The following TAF1B variants were observed in gnomAD, a reference collection of about 807,000 sequenced individuals.
TAF1B encodes the protein TATA box-binding protein-associated factor RNA polymerase I subunit B.
TAF1B carries 61 observed loss-of-function variants against 83.9 expected under a neutral mutation model. That is an observed-to-expected ratio of 0.73 (90% CI 0.59 to 0.90). The LOEUF (loss-of-function observed/expected upper bound fraction) is 0.90. Among genes scored for constraint, TAF1B ranks in the 40% least tolerant of loss-of-function variants. The pLI, the probability that TAF1B is intolerant of heterozygous loss-of-function variation, is 0.00. For synonymous variants in TAF1B, 221 were observed against 224.6 expected (o/e 0.98, Z 0.14); for missense variants, 625 against 677.0 (o/e 0.92, Z 0.85).
chr2:9,934,095 C>T lies in TAF1B; in HGVS notation c.*111C>T, dbSNP rs1432137658. 1.2e-6 allele frequency: 1 copy of T among 831,210 alleles called. No individual in the cohort carries two copies. Among genetic ancestry groups the T allele is most frequent in the East Asian group, 2.7e-5 (1 of 37,122 alleles). The allele number at this position is 831,210 out of a possible 1,614,324, so 51.5% of individuals were successfully genotyped here. A position where few individuals can be genotyped will look rare whatever the true frequency, so the allele number is the denominator to read the frequency against. ...AAAATACTGCATATATATGTATAGA[C>T]TCTGACACATATTTACATATATATC... On this transcript the variant is annotated 3_prime_UTR_variant, in exon 15 of 15. Coordinates refer to ENST00000263663, the MANE Select transcript of TAF1B (RefSeq NM_005680.3).
chr2:9,876,250 T>C (rs1664319113), intron 7 of TAF1B, among the ~76,000 whole-genome samples: 1 of 152,238 alleles, frequency 6.6e-6, no homozygotes, highest in African/African-American at 2.4e-5. Context: ...ACATGGGCTA[T>C]TGGAAAATTA....
intron 3 of TAF1B, among the ~76,000 whole-genome samples, chr2:9,849,725 G>C (rs1309758719): frequency 6.6e-6 from 1 of 152,118 alleles, no homozygotes; most frequent in African/African-American, 2.4e-5. Flanking sequence ...TCAACTTCTA[G>C]AAATCCATTT....
rs528542618 is a variant in TAF1B at position 9,843,637 on chromosome 2, C to A, written c.18+78C>A. 108 of 1,394,258 alleles carry A rather than the reference C, an allele frequency of 7.7e-5. No individual in the cohort carries two copies. In the African/African-American group the frequency reaches 1.6e-3, roughly 20 times the overall value. 86.4% of individuals were successfully genotyped at this position (1,394,258 alleles called of 1,614,324 possible). ...GAAGCTGAGGAGGAGCGGCGGAGGA[C>A]GCCGCGGGTTGGGGCGGCGACGCCA... On this transcript the variant is annotated intron_variant, in intron 1 of 14. Transcript: ENST00000263663.
intron 11 of TAF1B, 75 bp from the exon 12 acceptor site, chr2:9,913,084 A>G: frequency 7.8e-7 from 1 of 1,289,352 alleles, no homozygotes; most frequent in Non-Finnish European, 1.1e-6. Context: ...TCAATTAATG[A>G]AAACTCAGAT....
intron 5 of TAF1B, among the ~76,000 whole-genome samples, chr2:9,862,338 T>C (rs955311577): frequency 2.0e-5 from 3 of 151,994 alleles, no homozygotes; most frequent in African/African-American, 7.3e-5. Flanking sequence ...TGGAAGAAAG[T>C]GTATCCATGA....
chr2:9,892,648 A>G (rs1228859984), intron 8 of TAF1B, among the ~76,000 whole-genome samples: 5 of 152,152 alleles, frequency 3.3e-5, no homozygotes, highest in Admixed American at 1.3e-4. Flanking sequence ...TTCCCATTCT[A>G]TATCAGTACA....
intron 5 of TAF1B, among the ~76,000 whole-genome samples, chr2:9,863,537 A>G (rs1322851696): frequency 6.6e-6 from 1 of 152,230 alleles, no homozygotes; most frequent in Non-Finnish European, 1.5e-5. Context: ...AGACAGATCA[A>G]TGAGACAGAA....
At chr2:9,843,609 A>C in intron 1 of TAF1B, 50 bp downstream of exon 1, 2 of 1,462,092 alleles carry the variant, frequency 1.4e-6, no homozygotes, top group Non-Finnish European at 1.8e-6. Flanking sequence ...GCCGGAGGAG[A>C]GAGAAGCTGA....
Position 9,904,913 on chromosome 2 carries a change from T to C in TAF1B, c.862T>C (p.Leu288=), listed in dbSNP as rs929629322. 4.3e-6 allele frequency: 7 copies of C among 1,611,336 alleles called. No individual in the cohort carries two copies. The African/African-American group carries it at 8.0e-5, about 18-fold the overall frequency. The change falls in exon 9 of 15, where the codon TTA becomes CTA. Residue 288 remains leucine, a synonymous_variant. Coordinates refer to ENST00000263663, the MANE Select transcript of TAF1B (RefSeq NM_005680.3). ...AAAAACAGTAGAAGTTGGAACATTT[T>C]TAGATTTGCCTCGTTTTCCAGACAT... is the stretch of plus-strand genomic sequence containing the variant. The part of the protein sequence containing the change: ...YKKTVEVGTF[L]DLPRFPDITE...
At chr2:9,852,584 C>T (rs180868770) in intron 4 of TAF1B, among the ~76,000 whole-genome samples, 30 of 152,198 alleles carry the variant, frequency 2.0e-4, no homozygotes, top group African/African-American at 6.5e-4. Context: ...CTCCACCTCC[C>T]GTGTTCAAGC....
At chr2:9,904,193 G>A (rs1300913575) in intron 8 of TAF1B, among the ~76,000 whole-genome samples, 7 of 152,016 alleles carry the variant, frequency 4.6e-5, no homozygotes, top group South Asian at 2.1e-4. Flanking sequence ...GTGTGGTGGG[G>A]GTTTGGTGTA....
intron 8 of TAF1B, among the ~76,000 whole-genome samples, chr2:9,889,244 A>T (rs1051703438): frequency 6.6e-6 from 1 of 151,932 alleles, no homozygotes; most frequent in African/African-American, 2.4e-5. Context: ...AGACCACTTG[A>T]TATGGTACCA....
chr2:9,919,561 A>G, intron 13 of TAF1B, 37 bp from the exon 14 acceptor site: 1 of 1,539,140 alleles, frequency 6.5e-7, no homozygotes, highest in Non-Finnish European at 9.0e-7. Flanking sequence ...ATTTAACATT[A>G]CTTGTTATTT....
chr2:9,874,006 C>T (rs900029241), intron 6 of TAF1B, among the ~76,000 whole-genome samples: 3 of 152,050 alleles, frequency 2.0e-5, no homozygotes, highest in Non-Finnish European at 4.4e-5. Flanking sequence ...ATCCAAAGTA[C>T]AAATAATGAC....
rs753350535 is a variant in TAF1B at position 9,849,388 on chromosome 2, A to G, written c.133A>G (p.Thr45Ala). Residue 45 changes from threonine (T) to alanine (A), a missense_variant, in exon 3 of 15, where the codon ACA becomes GCA. By Grantham distance (58) the Thr-to-Ala change is moderately conservative. Transcript: ENST00000263663. ...HNVTERYQEV[T>A]NTDLIPNTQI... ...TTTCCTGCAGAGATATCAGGAAGTTACAAACACTGATCTTATTCCTAATAC... is the reference window on the plus strand; with the variant it reads ...TTTCCTGCAGAGATATCAGGAAGTTGCAAACACTGATCTTATTCCTAATAC... 9 of 1,599,606 alleles carry G rather than the reference A, an allele frequency of 5.6e-6. No individual in the cohort carries two copies. The highest frequency in any genetic ancestry group is 7.7e-6 in the Non-Finnish European group (9 of 1,173,730).
At chr2:9,901,199 T>C (rs77979193) in intron 8 of TAF1B, among the ~76,000 whole-genome samples, 6,677 of 152,218 alleles carry the variant, frequency 0.044, 192 homozygotes, top group Non-Finnish European at 0.066. Flanking sequence ...TGAAAACCTT[T>C]AGCCACCTTT....
At chr2:9,892,615 C>T (rs1354574821) in intron 8 of TAF1B, among the ~76,000 whole-genome samples, 4 of 152,172 alleles carry the variant, frequency 2.6e-5, no homozygotes, top group Non-Finnish European at 5.9e-5. Flanking sequence ...CAGAATTTCC[C>T]TCTGAATTTA....
chr2:9,907,604 A>G (rs1255443127), intron 9 of TAF1B, among the ~76,000 whole-genome samples: 2 of 152,068 alleles, frequency 1.3e-5, no homozygotes, highest in Non-Finnish European at 2.9e-5. Context: ...GATGGCCATG[A>G]ATGAGCTCAG....
chr2:9,863,413 T>G (rs1455860338), intron 5 of TAF1B, among the ~76,000 whole-genome samples: 2 of 152,206 alleles, frequency 1.3e-5, no homozygotes, highest in Non-Finnish European at 2.9e-5. Flanking sequence ...TAAATATATA[T>G]GCACCCAATA....
Sources: gnomAD v4.1 joint callset for allele counts (sites outside exome capture counted in the v4.1 genomes callset) on GRCh38, gnomAD v4.1.1 for gene constraint, MANE v1.5 for transcripts, NCBI Gene and HGNC (gene_info 2026-07-23, HGNC 2026-07-21) for gene names.